CCDC83: variants seen among roughly 807,000 people sequenced by gnomAD.
CCDC83 encodes coiled-coil domain containing 83.
CCDC83 carries 54 observed loss-of-function variants against 50.1 expected under a neutral mutation model. The ratio of observed to expected loss-of-function variants is 1.08; its 90% CI spans 0.87 to 1.35. CCDC83 has a LOEUF of 1.35. Among genes scored for constraint, CCDC83 ranks in the 40% most tolerant of loss-of-function variants. The pLI, the probability that CCDC83 is intolerant of heterozygous loss-of-function variation, is 0.00. For missense variants in CCDC83, 518 were observed against 473.9 expected (o/e 1.09, Z -0.86); for synonymous variants, 161 against 153.3 (o/e 1.05, Z -0.37).
At position 85,866,539 on chromosome 11, in the gene CCDC83, G is replaced by A. The variant is rs532107303; in HGVS notation, c.95+1321G>A. On this transcript the variant is annotated intron_variant, in intron 2 of 10. Transcript: ENST00000342404. The stretch of plus-strand genomic sequence containing the variant: ...CTTTACAAAATAAAAATTAGTCCCT[G>A]CTATTTAGGAGGTGGAGACGGGAGG... Among the ~76,000 whole-genome samples the A allele has an allele frequency of 5.3e-5, 8 of 152,172 alleles. No individual in the cohort carries two copies. The East Asian group carries it at 1.5e-3, about 29-fold the overall frequency.
At chr11:85,913,891 A>C (rs147716201) in intron 8 of CCDC83, among the ~76,000 whole-genome samples, 205 of 152,352 alleles carry the variant, frequency 1.3e-3, no homozygotes, top group African/African-American at 4.8e-3. Context: ...TTAAGTATCA[A>C]GTGTTGTTAC....
In CCDC83 at chr11:85,886,306, A is replaced by C; in HGVS notation, c.450A>C (p.Lys150Asn). Residue 150 changes from lysine to asparagine, a missense_variant, in exon 5 of 11, where the codon AAA becomes AAC. Transcript: ENST00000342404. ...ATGTAGGGAGTGAACGACATGCTAA[A>C]CTCATTACCTCCTTACAAAATGACA... Reference protein sequence around the residue: ...YKNVGSERHAKLITSLQNDIN... With the variant: ...YKNVGSERHANLITSLQNDIN... 6.2e-7 allele frequency: 1 copy of C among 1,610,228 alleles called. No individual in the cohort carries two copies. The highest frequency in any genetic ancestry group is 8.5e-7 in the Non-Finnish European group (1 of 1,178,714).
intron 10 of CCDC83, among the ~76,000 whole-genome samples, chr11:85,917,149 AG>A: frequency 1.0e-5 from 1 of 96,594 alleles, no homozygotes; most frequent in Non-Finnish European, 2.2e-5. Context: ...AGAGAGAGAG[AG>A]AGAGAGAGAG....
chr11:85,911,501 T>A, intron 8 of CCDC83, 99 bp downstream of exon 8: 1 of 1,044,734 alleles, frequency 9.6e-7, no homozygotes. Flanking sequence ...AATTATTCAG[T>A]GCTCCAGCAG....
intron 2 of CCDC83, among the ~76,000 whole-genome samples, chr11:85,868,605 A>C (rs1184768194): frequency 1.3e-5 from 2 of 152,148 alleles, no homozygotes; most frequent in Admixed American, 1.3e-4. Flanking sequence ...TGAACTCCTG[A>C]TCTTGGCCTC....
intron 2 of CCDC83, among the ~76,000 whole-genome samples, chr11:85,872,231 C>A (rs1592144424): frequency 1.3e-5 from 2 of 151,770 alleles, no homozygotes; most frequent in Non-Finnish European, 2.9e-5. Flanking sequence ...ACACCTGTAA[C>A]CCCAGCACTT....
At chr11:85,907,619 T>A (rs1053293139) in intron 7 of CCDC83, among the ~76,000 whole-genome samples, 1 of 152,244 alleles carries the variant, frequency 6.6e-6, no homozygotes, top group Non-Finnish European at 1.5e-5. Context: ...GAGGGAAATG[T>A]GGTCTTCCAC....
intron 8 of CCDC83, chr11:85,912,526 G>T (rs1426796300): frequency 2.9e-6 from 2 of 693,022 alleles, no homozygotes; most frequent in African/African-American, 1.8e-5. Context: ...AATGAGGATT[G>T]ATTACTGAAC....
chr11:85,864,107 C>T (rs557396491), intron 1 of CCDC83, among the ~76,000 whole-genome samples: 5 of 152,286 alleles, frequency 3.3e-5, no homozygotes, highest in African/African-American at 4.8e-5. Context: ...CTGCCTGATT[C>T]GTTCATGCAT....
At chr11:85,875,978 T>C (rs1248993765) in intron 3 of CCDC83, among the ~76,000 whole-genome samples, 2 of 152,222 alleles carry the variant, frequency 1.3e-5, no homozygotes, top group Non-Finnish European at 2.9e-5. Flanking sequence ...TAGCAAAAGT[T>C]ATTAATGACC....
intron 7 of CCDC83, among the ~76,000 whole-genome samples, chr11:85,901,342 G>A (rs1014814590): frequency 6.6e-6 from 1 of 152,138 alleles, no homozygotes; most frequent in Non-Finnish European, 1.5e-5. Flanking sequence ...GCAAGTCAAT[G>A]CAGGAGGATT....
At chr11:85,889,115 G>A (rs892174053) in intron 5 of CCDC83, among the ~76,000 whole-genome samples, 1 of 152,222 alleles carries the variant, frequency 6.6e-6, no homozygotes, top group Non-Finnish European at 1.5e-5. Context: ...ATTTTGGGGG[G>A]TCCACGGTGG....
chr11:85,865,898 C>T (rs1388170619), intron 2 of CCDC83, among the ~76,000 whole-genome samples: 2 of 135,806 alleles, frequency 1.5e-5, no homozygotes, highest in South Asian at 2.3e-4. Flanking sequence ...GGTTCCATCT[C>T]GAAAAAAAAA....
At chr11:85,869,449 A>C (rs2093225199) in intron 2 of CCDC83, among the ~76,000 whole-genome samples, 1 of 146,542 alleles carries the variant, frequency 6.8e-6, no homozygotes, top group South Asian at 2.1e-4. Context: ...GGTTTAAAGA[A>C]AAAAACACAA....
chr11:85,892,112 C>T (rs2093353138), intron 5 of CCDC83, among the ~76,000 whole-genome samples: 1 of 152,176 alleles, frequency 6.6e-6, no homozygotes, highest in Non-Finnish European at 1.5e-5. Flanking sequence ...ATAAAGCTCT[C>T]AACAGGCCAG....
intron 4 of CCDC83, 127 bp from the exon 5 acceptor site, chr11:85,886,073 T>C: frequency 7.7e-6 from 5 of 649,920 alleles, no homozygotes; most frequent in Non-Finnish European, 1.1e-5. Flanking sequence ...TCCTAAATTT[T>C]AGATATAAAA....
intron 8 of CCDC83, chr11:85,912,557 G>C (rs796130768): frequency 5.2e-6 from 4 of 765,450 alleles, no homozygotes; most frequent in African/African-American, 5.1e-5. Flanking sequence ...CCAGTCTCTT[G>C]AGCTGATGCC....
chr11:85,913,643 T>C (rs942286040), intron 8 of CCDC83, among the ~76,000 whole-genome samples: 6 of 152,214 alleles, frequency 3.9e-5, no homozygotes, highest in African/African-American at 1.2e-4. Context: ...GAATGGGATA[T>C]TGTGGTTAAT....
At chr11:85,883,736 G>A (rs185825319) in intron 4 of CCDC83, among the ~76,000 whole-genome samples, 13 of 152,254 alleles carry the variant, frequency 8.5e-5, no homozygotes, top group Non-Finnish European at 1.6e-4. Context: ...TAGCCCTTAG[G>A]AAATCCACGT....
Sources: allele counts gnomAD v4.1 joint callset (sites outside exome capture counted in the v4.1 genomes callset), GRCh38; gene constraint gnomAD v4.1.1; transcripts MANE v1.5; gene names NCBI Gene and HGNC (gene_info 2026-07-23, HGNC 2026-07-21).